The following HABP2 variants were observed in gnomAD, a reference collection of about 807,000 sequenced individuals.
HABP2 encodes the protein factor VII-activating protease.
In HABP2, 65 loss-of-function variants were observed where a neutral mutation model predicts 66.5. The observed-to-expected ratio is 0.98, with a 90% CI of 0.80 to 1.20. HABP2 has a LOEUF of 1.20. Among genes scored for constraint, HABP2 ranks in the 50% most tolerant of loss-of-function variants. The pLI is 0.00. For synonymous variants in HABP2, 263 were observed against 253.9 expected (o/e 1.04, Z -0.34); for missense variants, 786 against 691.0 (o/e 1.14, Z -1.54).
At chr10:113,583,589 G>T (rs1023273811) in intron 10 of HABP2, among the ~76,000 whole-genome samples, 16 of 152,326 alleles carry the variant, frequency 1.1e-4, no homozygotes, top group African/African-American at 3.8e-4. Context: ...GGAACATTGT[G>T]CTATGGAATA....
chr10:113,585,001 C>T (rs1592701815), intron 11 of HABP2, among the ~76,000 whole-genome samples: 1 of 152,340 alleles, frequency 6.6e-6, no homozygotes, highest in East Asian at 1.9e-4. Context: ...ATATATTTCT[C>T]TTCCTTCGCA....
At chr10:113,583,439 T>C in intron 10 of HABP2, 81 bp downstream of exon 10, 1 of 1,251,938 alleles carries the variant, frequency 8.0e-7, no homozygotes, top group Non-Finnish European at 1.2e-6. Flanking sequence ...AGTTTGGTTC[T>C]AGAAGGTGCT....
intron 1 of HABP2, 113 bp from the exon 2 acceptor site, chr10:113,567,376 G>A (rs1845218188): frequency 1.3e-6 from 1 of 794,208 alleles, no homozygotes; most frequent in East Asian, 2.6e-5. Flanking sequence ...ACAACCATCA[G>A]AAAGCACGCA....
chr10:113,589,367 G>A lies in HABP2; in HGVS notation c.*998G>A, dbSNP rs984768633. 22 of 564,008 alleles carry A rather than the reference G, an allele frequency of 3.9e-5. No homozygotes were observed. The highest frequency in any genetic ancestry group is 7.1e-5 in the South Asian group (3 of 41,962). 34.9% of individuals were successfully genotyped at this position (564,008 alleles called of 1,614,324 possible). On this transcript the variant is annotated 3_prime_UTR_variant, in exon 13 of 13. Coordinates refer to ENST00000351270, the MANE Select transcript of HABP2 (RefSeq NM_004132.5). The stretch of plus-strand genomic sequence containing the variant: ...CCCTGACCCTTTCTGCGAATGTAAC[G>A]AGCAAGCAGTCAGCACAGCCTGGGC...
Position 113,588,505 on chromosome 10 carries a change from T to G in HABP2, c.*136T>G. The stretch of plus-strand genomic sequence containing the variant: ...TATCCCTACTCTAAGCAGAGACAAC[T>G]GCCACCCAGCCTGGGCCTTCCCAGA... On this transcript the variant is annotated 3_prime_UTR_variant, in exon 13 of 13. Transcript: ENST00000351270. 1 of 627,574 alleles carries G rather than the reference T, an allele frequency of 1.6e-6. No individual in the cohort carries two copies. The highest frequency in any genetic ancestry group is 2.8e-5 in the East Asian group (1 of 35,762). 38.9% of individuals were successfully genotyped at this position (627,574 alleles called of 1,614,324 possible). A position where few individuals can be genotyped will look rare whatever the true frequency, so the allele number is the denominator to read the frequency against.
chr10:113,580,235 G>A (rs1303343419), intron 7 of HABP2, among the ~76,000 whole-genome samples: 1 of 152,094 alleles, frequency 6.6e-6, no homozygotes, highest in Non-Finnish European at 1.5e-5. Context: ...AAAGCCTCAG[G>A]CAGAGGAACC....
chr10:113,566,195 C>A (rs190417512), intron 1 of HABP2, among the ~76,000 whole-genome samples: 3 of 152,188 alleles, frequency 2.0e-5, no homozygotes, highest in African/African-American at 7.2e-5. Flanking sequence ...TGGTAGAACT[C>A]GCATTTCTTT....
intron 4 of HABP2, 94 bp from the exon 5 acceptor site, chr10:113,577,056 G>C (rs1592695427): frequency 1.4e-5 from 11 of 764,988 alleles, no homozygotes; most frequent in Non-Finnish European, 2.4e-5. Flanking sequence ...TACAGACACT[G>C]TCAGTCACCC....
In HABP2 at chr10:113,567,619, C is replaced by T. The variant is rs182474993; in HGVS notation, c.106+94C>T. On this transcript the variant is annotated intron_variant, in intron 2 of 12. Transcript: ENST00000351270. Reference sequence around the variant, plus strand: ...CCTAAGTATGGAAGTGTTGGAGGGACCTCAGGGTTCAACTGGTTCCAGGTT... The same window carrying T: ...CCTAAGTATGGAAGTGTTGGAGGGATCTCAGGGTTCAACTGGTTCCAGGTT... The T allele has an allele frequency of 7.1e-5, 65 of 913,756 alleles. No individual in the cohort carries two copies. In the African/African-American group the frequency reaches 9.1e-4, roughly 13 times the overall value. The allele number at this position is 913,756 out of a possible 1,614,324, so 56.6% of individuals were successfully genotyped here. A position where few individuals can be genotyped will look rare whatever the true frequency, so the allele number is the denominator to read the frequency against.
rs538121313 is a variant in HABP2 at position 113,574,251 on chromosome 10, T to C, written c.107-38T>C. On this transcript the variant is annotated intron_variant, in intron 2 of 12. Transcript: ENST00000351270. ...AAAATGCTGGCCTATTTGAGTGTAATGATTAGGATTTCTTCTGTCCTGTTA... is the reference window on the plus strand; with the variant it reads ...AAAATGCTGGCCTATTTGAGTGTAACGATTAGGATTTCTTCTGTCCTGTTA... The C allele has an allele frequency of 4.8e-5, 48 of 1,008,154 alleles. No individual in the cohort carries two copies. The South Asian group carries it at 6.1e-4, about 13-fold the overall frequency. 62.5% of individuals were successfully genotyped at this position (1,008,154 alleles called of 1,614,324 possible).
At chr10:113,587,338 CAA>C (rs59296183) in intron 12 of HABP2, among the ~76,000 whole-genome samples, 5 of 150,810 alleles carry the variant, frequency 3.3e-5, no homozygotes, top group African/African-American at 9.8e-5. Context: ...AACAAACAAA[CAA>C]AAAAAAACCT....
chr10:113,556,321 CA>C (rs1844990642), intron 1 of HABP2, among the ~76,000 whole-genome samples: 1 of 152,170 alleles, frequency 6.6e-6, no homozygotes, highest in Admixed American at 6.5e-5. Flanking sequence ...ATTAAAGATA[CA>C]GATTCCCAGC....
At chr10:113,578,278 G>A in intron 6 of HABP2, 133 bp downstream of exon 6, 1 of 970,802 alleles carries the variant, frequency 1.0e-6, no homozygotes, top group Non-Finnish European at 1.6e-6. Flanking sequence ...CTCACCTAAA[G>A]GGATAGGGCG....
chr10:113,585,943 G>A lies in HABP2; in HGVS notation c.1518+5G>A. ...CCTGGGCAAGACACCTGCCAGGTCA[G>A]AGACTCCAAGTGGTGCTTGTGGTAG... On this transcript the variant is annotated splice_donor_5th_base_variant and intron_variant, in intron 12 of 12. Coordinates refer to ENST00000351270, the MANE Select transcript of HABP2 (RefSeq NM_004132.5). 1 of 1,613,072 alleles carries A rather than the reference G, an allele frequency of 6.2e-7. No homozygotes were observed. Among genetic ancestry groups the A allele is most frequent in the Non-Finnish European group, 8.5e-7 (1 of 1,179,116 alleles).
intron 1 of HABP2, among the ~76,000 whole-genome samples, chr10:113,558,550 TGAGAA>T (rs1845042386): frequency 6.6e-6 from 1 of 152,370 alleles, no homozygotes; most frequent in African/African-American, 2.4e-5. Context: ...ACAGTCAACC[TGAGAA>T]AAGAAAGACT....
intron 2 of HABP2, among the ~76,000 whole-genome samples, chr10:113,571,447 C>G (rs1845309775): frequency 6.6e-6 from 1 of 152,092 alleles, no homozygotes; most frequent in Non-Finnish European, 1.5e-5. Context: ...AACAAGACTT[C>G]TTAAGGCCCA....
At chr10:113,569,090 A>G (rs1845254766) in intron 2 of HABP2, among the ~76,000 whole-genome samples, 1 of 152,238 alleles carries the variant, frequency 6.6e-6, no homozygotes, top group African/African-American at 2.4e-5. Flanking sequence ...CTTTCTCACT[A>G]TCAGAGTTGT....
intron 12 of HABP2, among the ~76,000 whole-genome samples, chr10:113,587,020 G>A (rs1845650925): frequency 6.6e-6 from 1 of 152,158 alleles, no homozygotes; most frequent in Non-Finnish European, 1.5e-5. Flanking sequence ...TAAGAAAACA[G>A]CTCATTCAGG....
chr10:113,554,571 C>T (rs554434463), intron 1 of HABP2, among the ~76,000 whole-genome samples: 97 of 152,282 alleles, frequency 6.4e-4, no homozygotes, highest in African/African-American at 2.3e-3. Context: ...CAAGCCCCTA[C>T]ATCATTTGAT....
Sources: allele counts gnomAD v4.1 joint callset (sites outside exome capture counted in the v4.1 genomes callset), GRCh38; gene constraint gnomAD v4.1.1; transcripts MANE v1.5; gene names NCBI Gene and HGNC (gene_info 2026-07-23, HGNC 2026-07-21).